The following FGF12 variants were observed in gnomAD, a reference collection of about 807,000 sequenced individuals.
FGF12 encodes the protein fibroblast growth factor 12B.
Under a neutral mutation model 23.6 loss-of-function variants are expected in FGF12, and 14 were observed. The ratio of observed to expected loss-of-function variants is 0.59; its 90% CI spans 0.39 to 0.93. The LOEUF is 0.93. FGF12 is among the 40% of genes least tolerant of loss of function. The probability of loss-of-function intolerance (pLI) is 0.00; values close to 1 mark genes in which losing one functional copy is unlikely to be tolerated. For missense variants in FGF12, 175 were observed against 217.8 expected (o/e 0.80, Z 1.24); for synonymous variants, 62 against 77.3 (o/e 0.80, Z 1.04).
At position 192,266,798 on chromosome 3, in the gene FGF12, C is replaced by A. The variant is rs528995746; in HGVS notation, c.228+68563G>T. Among the ~76,000 whole-genome samples, 65 of 146,802 alleles carry A rather than the reference C, an allele frequency of 4.4e-4. 1 individual carries two copies. The East Asian group carries it at 0.012, about 28-fold the overall frequency. ...AGTCAATTTGCTCTATCTTTAAACA[C>A]CACACACACACACACACACACACAC... On this transcript the variant is annotated intron_variant, in intron 4 of 5. Transcript: ENST00000445105.
intron 2 of FGF12, among the ~76,000 whole-genome samples, chr3:192,680,050 C>CT (rs1017498895): frequency 1.4e-4 from 21 of 151,982 alleles, no homozygotes; most frequent in African/African-American, 3.6e-4. Flanking sequence ...ATACTAAGGG[C>CT]TTTTTTTTCC....
intron 4 of FGF12, among the ~76,000 whole-genome samples, chr3:192,307,207 A>G (rs1461630598): frequency 6.6e-6 from 1 of 152,248 alleles, no homozygotes; most frequent in African/African-American, 2.4e-5. Flanking sequence ...TACAATGGAG[A>G]CAGAGACAGA....
At chr3:192,620,251 C>T (rs917972901) in intron 2 of FGF12, among the ~76,000 whole-genome samples, 9 of 64,744 alleles carry the variant, frequency 1.4e-4, no homozygotes, top group Non-Finnish European at 2.4e-4. Flanking sequence ...CGCGCGCGCG[C>T]GCGCACGCAC....
intron 4 of FGF12, among the ~76,000 whole-genome samples, chr3:192,324,393 T>C (rs1716708293): frequency 6.6e-6 from 1 of 152,144 alleles, no homozygotes; most frequent in Admixed American, 6.5e-5. Flanking sequence ...TCAGGAGCTG[T>C]TTGAGGGTAC....
intron 4 of FGF12, among the ~76,000 whole-genome samples, chr3:192,310,833 C>T (rs74774110): frequency 0.037 from 5,706 of 152,218 alleles, 343 homozygotes; most frequent in African/African-American, 0.13. Flanking sequence ...TAGTAGTCTT[C>T]TGTGGTCAAA....
chr3:192,537,461 T>C (rs1725251089), intron 2 of FGF12, among the ~76,000 whole-genome samples: 1 of 152,036 alleles, frequency 6.6e-6, no homozygotes, highest in African/African-American at 2.4e-5. Context: ...CTGGCCAGTG[T>C]TTGTGATTTC....
intron 3 of FGF12, among the ~76,000 whole-genome samples, chr3:192,345,267 T>C (rs972307223): frequency 6.6e-6 from 1 of 152,206 alleles, no homozygotes; most frequent in Non-Finnish European, 1.5e-5. Flanking sequence ...TGTATCCATC[T>C]TTACAGACCA....
At position 192,408,537 on chromosome 3, in the gene FGF12, G is replaced by A. The variant is rs143907828; in HGVS notation, c.14-47999C>T. 3 of 1,181,634 alleles carry A rather than the reference G, an allele frequency of 2.5e-6. No homozygotes were observed. Among genetic ancestry groups the A allele is most frequent in the South Asian group, 2.7e-5 (1 of 37,616 alleles). The allele number at this position is 1,181,634 out of a possible 1,614,324, so 73.2% of individuals were successfully genotyped here. ...CCCAAACTTGCACCCCAAGGCGATC[G>A]GCGTCCAAGGGGCAGTGGGGAGTTT... is the stretch of plus-strand genomic sequence containing the variant. On this transcript the variant is annotated intron_variant, in intron 2 of 5. Coordinates refer to ENST00000445105, the MANE Select transcript of FGF12 (RefSeq NM_004113.6). The surrounding 1 kb of genome is among the most constrained non-coding windows in gnomAD (Gnocchi z 7.3).
intron 2 of FGF12, among the ~76,000 whole-genome samples, chr3:192,571,530 G>C (rs932809090): frequency 6.6e-6 from 1 of 152,212 alleles, no homozygotes. Context: ...CCCGGGTCCA[G>C]ACTTTCCATC....
intron 2 of FGF12, among the ~76,000 whole-genome samples, chr3:192,483,961 A>G (rs1273611592): frequency 6.6e-6 from 1 of 152,162 alleles, no homozygotes; most frequent in Non-Finnish European, 1.5e-5. Flanking sequence ...CATAATATAC[A>G]TTATAAAGAA....
chr3:192,590,137 T>G (rs1027247376), intron 2 of FGF12, among the ~76,000 whole-genome samples: 1 of 151,848 alleles, frequency 6.6e-6, no homozygotes, highest in Non-Finnish European at 1.5e-5. Flanking sequence ...ACCACCATAT[T>G]TAACCTAAAA....
At chr3:192,363,544 A>C (rs1718838218) in intron 2 of FGF12, among the ~76,000 whole-genome samples, 1 of 152,128 alleles carries the variant, frequency 6.6e-6, no homozygotes, top group Admixed American at 6.6e-5. Flanking sequence ...GCATTACAGA[A>C]GTTTCAAAGG....
intron 2 of FGF12, among the ~76,000 whole-genome samples, chr3:192,416,040 G>A (rs1721343231): frequency 6.6e-6 from 1 of 151,948 alleles, no homozygotes; most frequent in African/African-American, 2.4e-5. Context: ...ACAGCACCCA[G>A]CACATGACTG....
At chr3:192,616,880 A>C (rs974349680) in intron 2 of FGF12, among the ~76,000 whole-genome samples, 1 of 151,970 alleles carries the variant, frequency 6.6e-6, no homozygotes. Flanking sequence ...AAATAACTGA[A>C]AAATCAAACA....
chr3:192,459,412 T>C (rs1722784616), intron 2 of FGF12, among the ~76,000 whole-genome samples: 1 of 152,220 alleles, frequency 6.6e-6, no homozygotes, highest in East Asian at 1.9e-4. Flanking sequence ...GAGACATAAG[T>C]TGGTCAACTT....
intron 2 of FGF12, among the ~76,000 whole-genome samples, chr3:192,656,103 G>T (rs2108680077): frequency 6.6e-6 from 1 of 151,344 alleles, no homozygotes; most frequent in Middle Eastern, 3.4e-3. Flanking sequence ...TTTTTAGAAG[G>T]GTATGCACTC....
intron 2 of FGF12, among the ~76,000 whole-genome samples, chr3:192,463,314 G>T (rs1722915937): frequency 6.6e-6 from 1 of 152,026 alleles, no homozygotes; most frequent in South Asian, 2.1e-4. Context: ...CAGCTGCTTG[G>T]GAGGCTGAGG....
chr3:192,189,820 T>C (rs1038154476), intron 4 of FGF12, among the ~76,000 whole-genome samples: 1 of 152,216 alleles, frequency 6.6e-6, no homozygotes, highest in Non-Finnish European at 1.5e-5. Context: ...TGGTACTCTG[T>C]TATGGCAGCC....
intron 4 of FGF12, among the ~76,000 whole-genome samples, chr3:192,303,001 C>T (rs1715427445): frequency 6.6e-6 from 1 of 152,216 alleles, no homozygotes; most frequent in East Asian, 1.9e-4. Flanking sequence ...TATCAAAATC[C>T]TAAAGGGAAC....
Sources: gnomAD v4.1 joint callset for allele counts (sites outside exome capture counted in the v4.1 genomes callset) on GRCh38, gnomAD v4.1.1 for gene constraint, Gnocchi (gnomAD v3.1) non-coding constraint, MANE v1.5 for transcripts, NCBI Gene and HGNC (gene_info 2026-07-23, HGNC 2026-07-21) for gene names.